Variants in SCCPDH observed in about 807,000 individuals in gnomAD.
SCCPDH encodes saccharopine dehydrogenase (putative), also known as saccharopine dehydrogenase-like oxidoreductase.
SCCPDH carries 34 observed loss-of-function variants against 51.5 expected under a neutral mutation model. That is an observed-to-expected ratio of 0.66 (90% confidence interval 0.50 to 0.88). The LOEUF is 0.88. SCCPDH is among the 40% of genes least tolerant of loss of function. The pLI, the probability that SCCPDH is intolerant of heterozygous loss-of-function variation, is 0.00. For missense variants in SCCPDH, 464 were observed against 527.1 expected, an observed-to-expected ratio of 0.88 and a Z score of 1.17; for synonymous variants, 187 against 191.3, an observed-to-expected ratio of 0.98 and a Z score of 0.19.
At position 246,752,388 on chromosome 1, in the gene SCCPDH, C is replaced by T. The variant is rs149143053; in HGVS notation, c.565-5838C>T. 4.4e-3 allele frequency among the ~76,000 whole-genome samples: 671 copies of T among 152,208 alleles called. 5 individuals are homozygous for T. Among genetic ancestry groups the T allele is most frequent in the Middle Eastern group, 0.01 (3 of 294 alleles). On this transcript the variant is annotated intron_variant, in intron 5 of 11. Transcript: ENST00000366510. ...GCAGGCCAGTTGTACAGCTAAGAAA[C>T]GGTAGTCTGTTTGGCTATCTGATTA... is the stretch of plus-strand genomic sequence containing the variant.
intron 5 of SCCPDH, among the ~76,000 whole-genome samples, chr1:246,746,247 A>G (rs1034870271): frequency 5.4e-4 from 82 of 152,214 alleles, no homozygotes; most frequent in Admixed American, 2.0e-3. Context: ...AAGGGGGTCC[A>G]CGTGAGAGGA....
intron 11 of SCCPDH, among the ~76,000 whole-genome samples, chr1:246,766,672 T>G (rs1255614756): frequency 6.6e-6 from 1 of 152,226 alleles, no homozygotes; most frequent in Non-Finnish European, 1.5e-5. Flanking sequence ...AAAACAGGAT[T>G]AATAAAAGTA....
chr1:246,765,653 C>CA (rs1418529148), intron 10 of SCCPDH, among the ~76,000 whole-genome samples: 3 of 151,954 alleles, frequency 2.0e-5, no homozygotes, highest in African/African-American at 7.2e-5. Flanking sequence ...AATAGAGAAA[C>CA]AAAAAACCTA....
At chr1:246,767,083 C>T (rs1362477107) in intron 11 of SCCPDH, 112 bp from the exon 12 acceptor site, 11 of 605,260 alleles carry the variant, frequency 1.8e-5, no homozygotes, top group Admixed American at 1.1e-4. Context: ...GCCGTGATTA[C>T]CATGAAGACT....
intron 1 of SCCPDH, among the ~76,000 whole-genome samples, chr1:246,724,928 T>G (rs1359692237): frequency 6.6e-6 from 1 of 152,186 alleles, no homozygotes; most frequent in Non-Finnish European, 1.5e-5. Context: ...ACTTGAGTTG[T>G]CCCTCTCTCT....
intron 2 of SCCPDH, among the ~76,000 whole-genome samples, chr1:246,730,563 T>G (rs1668477447): frequency 6.6e-6 from 1 of 152,250 alleles, no homozygotes; most frequent in Non-Finnish European, 1.5e-5. Flanking sequence ...GGATACCTGC[T>G]GTGTCCTGTC....
chr1:246,727,088 G>A, intron 2 of SCCPDH, 84 bp downstream of exon 2: 1 of 1,139,724 alleles, frequency 8.8e-7, no homozygotes, highest in Non-Finnish European at 1.3e-6. Context: ...AAGGACAGAG[G>A]ACAGAATTGT....
chr1:246,743,716 C>T (rs1572298178), intron 4 of SCCPDH, among the ~76,000 whole-genome samples: 2 of 152,218 alleles, frequency 1.3e-5, no homozygotes, highest in Middle Eastern at 3.4e-3. Flanking sequence ...TTCGGGTGAG[C>T]TCAATTGTTG....
Position 246,745,830 on chromosome 1 carries a change from C to T in SCCPDH, c.564+1705C>T, listed in dbSNP as rs144994871. ...CCGAGTTAAAGAAGGAAGGGCTGGCCGGGCATGGTGGCTCACGCCTGTAAT... is the reference window on the plus strand; with the variant it reads ...CCGAGTTAAAGAAGGAAGGGCTGGCTGGGCATGGTGGCTCACGCCTGTAAT... On this transcript the variant is annotated intron_variant, in intron 5 of 11. Coordinates refer to ENST00000366510, the MANE Select transcript of SCCPDH (RefSeq NM_016002.3). 1.2e-3 allele frequency among the ~76,000 whole-genome samples: 186 copies of T among 152,088 alleles called. 2 individuals carry two copies. The highest frequency in any genetic ancestry group is 4.2e-3 in the African/African-American group (176 of 41,478).
chr1:246,730,501 A>G (rs1310483136), intron 2 of SCCPDH, among the ~76,000 whole-genome samples: 1 of 152,164 alleles, frequency 6.6e-6, no homozygotes, highest in East Asian at 1.9e-4. Flanking sequence ...ATGAATGAAG[A>G]GTGGTGCTGA....
At chr1:246,740,065 C>A in intron 3 of SCCPDH, 107 bp from the exon 4 acceptor site, 1 of 862,124 alleles carries the variant, frequency 1.2e-6, no homozygotes, top group Non-Finnish European at 1.7e-6. Flanking sequence ...AGCCACACTG[C>A]TTAGCATTTT....
intron 1 of SCCPDH, among the ~76,000 whole-genome samples, chr1:246,726,642 G>A (rs975145370): frequency 5.3e-5 from 8 of 152,124 alleles, no homozygotes; most frequent in African/African-American, 1.4e-4. Flanking sequence ...TTTACACAAC[G>A]CTTTGATTCG....
chr1:246,727,856 A>T (rs1229263790), intron 2 of SCCPDH, among the ~76,000 whole-genome samples: 2 of 152,166 alleles, frequency 1.3e-5, no homozygotes, highest in East Asian at 1.9e-4. Flanking sequence ...GAGCTGGGTC[A>T]TGTGGGATCT....
chr1:246,763,288 A>G (rs1365175786), intron 9 of SCCPDH, among the ~76,000 whole-genome samples: 1 of 152,176 alleles, frequency 6.6e-6, no homozygotes, highest in Non-Finnish European at 1.5e-5. Flanking sequence ...CCCAGAGACT[A>G]TGCTGGGTCG....
chr1:246,752,825 C>T (rs1396671023), intron 5 of SCCPDH, among the ~76,000 whole-genome samples: 2 of 152,164 alleles, frequency 1.3e-5, no homozygotes, highest in Non-Finnish European at 2.9e-5. Flanking sequence ...CTGGAATTAA[C>T]AGAAATTTAA....
intron 3 of SCCPDH, among the ~76,000 whole-genome samples, chr1:246,737,544 G>A (rs1318384577): frequency 3.3e-5 from 5 of 151,950 alleles, no homozygotes; most frequent in Admixed American, 3.3e-4. Context: ...ATAGAAAATG[G>A]TGAAAAGCTT....
intron 6 of SCCPDH, 128 bp downstream of exon 6, chr1:246,758,484 C>A: frequency 1.7e-6 from 1 of 587,558 alleles, no homozygotes; most frequent in Non-Finnish European, 2.8e-6. Context: ...GAATTGTTTT[C>A]ACAGATAAAT....
intron 9 of SCCPDH, among the ~76,000 whole-genome samples, chr1:246,763,861 C>A (rs1004891246): frequency 6.6e-6 from 1 of 152,158 alleles, no homozygotes; most frequent in African/African-American, 2.4e-5. Flanking sequence ...ATTTTTACAT[C>A]TTTAAGTGGA....
chr1:246,741,762 GT>G (rs1300600650), intron 4 of SCCPDH, among the ~76,000 whole-genome samples: 23 of 152,192 alleles, frequency 1.5e-4, no homozygotes, highest in Middle Eastern at 3.4e-3. Context: ...GAATAGAATA[GT>G]TTCCTACATA....
Sources: gnomAD v4.1 joint callset for allele counts (sites outside exome capture counted in the v4.1 genomes callset) on GRCh38, gnomAD v4.1.1 for gene constraint, MANE v1.5 for transcripts, NCBI Gene and HGNC (gene_info 2026-07-23, HGNC 2026-07-21) for gene names.